Variants in CEMIP observed in about 807,000 individuals in gnomAD.
The protein encoded by CEMIP is cell migration inducing hyaluronidase 1, also known as cell migration-inducing and hyaluronan-binding protein.
A neutral mutation model predicts 156.9 loss-of-function variants in CEMIP; 105 were observed. That is an observed-to-expected ratio of 0.67 (90% CI 0.57 to 0.79). CEMIP has a LOEUF of 0.79. CEMIP is among the 30% of genes least tolerant of loss of function. The pLI is 0.00. For synonymous variants in CEMIP, 676 were observed against 668.4 expected, an observed-to-expected ratio of 1.01 and a Z score of -0.17; for missense variants, 1,457 against 1,769.4, an observed-to-expected ratio of 0.82 and a Z score of 3.17.
intron 11 of CEMIP, 88 bp from the exon 12 acceptor site, chr15:80,895,781 T>C: frequency 8.3e-7 from 1 of 1,210,184 alleles, no homozygotes; most frequent in South Asian, 1.3e-5. Context: ...CATTTAGTTA[T>C]TTAGGGAGGG....
rs1237369811 is a variant in CEMIP, at chr15:80,846,354, C to T, written c.-175-27184C>T. On this transcript the variant is annotated intron_variant, in intron 1 of 29. Transcript: ENST00000394685. ...CAGTAATGCTTGTCTTGCAGGTCTCCAGATAGCCCGAGACAGGCTTTTCCT... is the reference window on the plus strand; with the variant it reads ...CAGTAATGCTTGTCTTGCAGGTCTCTAGATAGCCCGAGACAGGCTTTTCCT... Among the ~76,000 whole-genome samples, 2 of 152,196 alleles carry T rather than the reference C, an allele frequency of 1.3e-5. 1 individual carries two copies. The highest frequency in any genetic ancestry group is 2.9e-5 in the Non-Finnish European group (2 of 68,028).
intron 1 of CEMIP, among the ~76,000 whole-genome samples, chr15:80,817,845 G>C (rs1049742252): frequency 6.6e-6 from 1 of 151,992 alleles, no homozygotes; most frequent in African/African-American, 2.4e-5. Context: ...TCTATGACTT[G>C]CTTAAATGCA....
chr15:80,825,620 C>G (rs1232325394), intron 1 of CEMIP, among the ~76,000 whole-genome samples: 4 of 152,194 alleles, frequency 2.6e-5, no homozygotes, highest in Non-Finnish European at 4.4e-5. Flanking sequence ...GTAAGCAAAG[C>G]CATTGCGCCT....
chr15:80,877,058 T>C (rs1898500899), intron 3 of CEMIP, among the ~76,000 whole-genome samples: 1 of 152,094 alleles, frequency 6.6e-6, no homozygotes, highest in Admixed American at 6.6e-5. Context: ...GAGAACGAAG[T>C]GAAAGGCGAT....
At chr15:80,851,318 T>C (rs1897710116) in intron 1 of CEMIP, among the ~76,000 whole-genome samples, 1 of 152,192 alleles carries the variant, frequency 6.6e-6, no homozygotes, top group Admixed American at 6.5e-5. Flanking sequence ...GGTGAGGTTC[T>C]TTTTAGAGTT....
At chr15:80,874,106 G>T in intron 3 of CEMIP, 133 bp downstream of exon 3, 1 of 799,316 alleles carries the variant, frequency 1.3e-6, no homozygotes. Context: ...GCCTTGGCCC[G>T]ACCTTACTAA....
chr15:80,835,559 G>T (rs1191976399), intron 1 of CEMIP, among the ~76,000 whole-genome samples: 3 of 152,336 alleles, frequency 2.0e-5, no homozygotes, highest in East Asian at 1.9e-4. Flanking sequence ...GAAGCAGTTT[G>T]TCTCAAACAT....
intron 29 of CEMIP, chr15:80,948,513 A>G (rs1461528158): frequency 4.2e-6 from 2 of 472,920 alleles, no homozygotes; most frequent in Admixed American, 6.6e-5. Flanking sequence ...CCTCCCTTAC[A>G]GTTTGCCCCA....
rs1253415260 is a variant in CEMIP, at chr15:80,949,003, G to GT, written c.*80dup. ...CAGCAGACCAGTGGGGGATGGCTGG[G>GT]TCCCCCAGCCCCTGCCAGCAGCTGC... On this transcript the variant is annotated 3_prime_UTR_variant, in exon 30 of 30. Coordinates refer to ENST00000394685, the MANE Select transcript of CEMIP (RefSeq NM_001293298.2). 15 of 1,580,162 alleles carry GT rather than the reference G, an allele frequency of 9.5e-6. No homozygotes were observed. The highest frequency in any genetic ancestry group is 1.3e-5 in the African/African-American group (1 of 74,214).
chr15:80,902,038 C>G (rs371173933), intron 12 of CEMIP, among the ~76,000 whole-genome samples: 32 of 152,306 alleles, frequency 2.1e-4, no homozygotes, highest in African/African-American at 7.5e-4. Flanking sequence ...AAGGTCAGGC[C>G]CCATCTCCCT....
chr15:80,854,106 G>A (rs963248374), intron 1 of CEMIP, among the ~76,000 whole-genome samples: 2 of 152,252 alleles, frequency 1.3e-5, no homozygotes, highest in African/African-American at 2.4e-5. Flanking sequence ...GTGAGCCAGC[G>A]AGGCCTGCCC....
chr15:80,796,255 C>A (rs1406390120), intron 1 of CEMIP, among the ~76,000 whole-genome samples: 1 of 152,138 alleles, frequency 6.6e-6, no homozygotes, highest in East Asian at 1.9e-4. Flanking sequence ...ACTACATGTA[C>A]ATGCCACCGT....
Position 80,932,146 on chromosome 15 carries a change from G to A in CEMIP, c.2793+107G>A. The A allele has an allele frequency of 2.3e-6, 3 of 1,295,476 alleles. No homozygotes were observed. The highest frequency in any genetic ancestry group is 1.2e-5 in the South Asian group (1 of 83,566). The allele number at this position is 1,295,476 out of a possible 1,614,324, so 80.2% of individuals were successfully genotyped here. A position where few individuals can be genotyped will look rare whatever the true frequency, so the allele number is the denominator to read the frequency against. On this transcript the variant is annotated intron_variant, in intron 22 of 29. Coordinates refer to ENST00000394685, the MANE Select transcript of CEMIP (RefSeq NM_001293298.2). This position sits in a 1 kb window ranked among gnomAD's most constrained non-coding sequence, Gnocchi z 4.5. Reference sequence around the variant, plus strand: ...AGCTATTGCCACCACCGCAGGGGTTGAGAAGCCTCCTCCAACTAGGCTGGG... The same window carrying A: ...AGCTATTGCCACCACCGCAGGGGTTAAGAAGCCTCCTCCAACTAGGCTGGG...
At chr15:80,800,021 A>ATGTGTGTGTGTGTGTGTGTGTGTGTGTG (rs56412231) in intron 1 of CEMIP, among the ~76,000 whole-genome samples, 14 of 124,784 alleles carry the variant, frequency 1.1e-4, no homozygotes, top group Non-Finnish European at 2.0e-4. Context: ...AGCTAATTTT[A>ATGTGTGTGTGTGTGTGTGTGTGTGTGTG]TGTGTGTGTG....
chr15:80,789,926 T>C (rs751104983), intron 1 of CEMIP, among the ~76,000 whole-genome samples: 8 of 152,208 alleles, frequency 5.3e-5, no homozygotes, highest in Non-Finnish European at 1.2e-4. Flanking sequence ...GAGCTTCTGC[T>C]CTGTTGAGGT....
At position 80,936,754 on chromosome 15, in the gene CEMIP, G is replaced by A. The variant is rs921240181; in HGVS notation, c.3090G>A (p.Leu1030=). The A allele has an allele frequency of 8.7e-6, 14 of 1,614,022 alleles. No homozygotes were observed. The Admixed American group carries it at 2.3e-4, about 27-fold the overall frequency. Residue 1030 remains leucine (L), a synonymous_variant, in exon 24 of 30, where the codon CTG becomes CTA. Transcript: ENST00000394685. The part of the protein sequence containing the change: ...KNDFPSHPLY[L]EGALTRSTHY... ...ACTTCCCCAGCCACCCTCTTTACCT[G>A]GAGGGGGCGCTCACCAGGAGCACCC...
At chr15:80,948,631 C>G (rs943944687) in intron 29 of CEMIP, 166 bp from the exon 30 acceptor site, 2 of 894,550 alleles carry the variant, frequency 2.2e-6, no homozygotes, top group Non-Finnish European at 3.6e-6. Flanking sequence ...ACATGTCAGG[C>G]ACCATCAGTA....
chr15:80,795,533 G>A (rs2141589192), intron 1 of CEMIP, among the ~76,000 whole-genome samples: 1 of 152,252 alleles, frequency 6.6e-6, no homozygotes, highest in South Asian at 2.1e-4. Flanking sequence ...GAGCATCTAG[G>A]TGGATGTTAG....
In CEMIP at chr15:80,942,953, G is replaced by A; in HGVS notation, c.3708G>A (p.Gly1236=). ...WNDFAYIEVD[G]KKYPSSEDGI... ...TTGCTCTGGCTCTGTAGGTGGATGGGAAGAAGTACCCCAGTTCGGAGGATG... is the reference window on the plus strand; with the variant it reads ...TTGCTCTGGCTCTGTAGGTGGATGGAAAGAAGTACCCCAGTTCGGAGGATG... The change falls in exon 28 of 30, where the codon GGG becomes GGA. Residue 1236 remains glycine (G), a synonymous_variant. Coordinates refer to ENST00000394685, the MANE Select transcript of CEMIP (RefSeq NM_001293298.2). 1 of 1,614,232 alleles carries A rather than the reference G, an allele frequency of 6.2e-7. No homozygotes were observed.
Sources: gnomAD v4.1 joint callset for allele counts (sites outside exome capture counted in the v4.1 genomes callset) on GRCh38, gnomAD v4.1.1 for gene constraint, Gnocchi (gnomAD v3.1) non-coding constraint, MANE v1.5 for transcripts, NCBI Gene and HGNC (gene_info 2026-07-23, HGNC 2026-07-21) for gene names.